SORCS2: variants seen among roughly 807,000 people sequenced by gnomAD.
The protein encoded by SORCS2 is VPS10 domain-containing receptor SorCS2.
In SORCS2, 100 loss-of-function variants were observed where a neutral mutation model predicts 141.6. The ratio of observed to expected loss-of-function variants is 0.71; its 90% CI spans 0.60 to 0.83. The LOEUF is 0.83. SORCS2 is among the 40% of genes least tolerant of loss of function. The pLI, the probability that SORCS2 is intolerant of heterozygous loss-of-function variation, is 0.00. For synonymous variants in SORCS2, 789 were observed against 676.9 expected (o/e 1.17, Z -2.57); for missense variants, 1,646 against 1,560.2 (o/e 1.05, Z -0.93).
chr4:7,211,258 C>T (rs984548418), intron 1 of SORCS2, among the ~76,000 whole-genome samples: 6 of 151,658 alleles, frequency 4.0e-5, no homozygotes, highest in African/African-American at 1.2e-4. Flanking sequence ...ATTGCCAGGG[C>T]GCAGACCAGA....
At chr4:7,209,853 G>C (rs1727961299) in intron 1 of SORCS2, among the ~76,000 whole-genome samples, 1 of 152,252 alleles carries the variant, frequency 6.6e-6, no homozygotes, top group Non-Finnish European at 1.5e-5. Context: ...TTGCCCCAGA[G>C]AGCATTTTGG....
intron 3 of SORCS2, among the ~76,000 whole-genome samples, chr4:7,600,146 T>C (rs1247465282): frequency 1.3e-5 from 2 of 152,140 alleles, no homozygotes; most frequent in Non-Finnish European, 2.9e-5. Flanking sequence ...TTCTAAAGGT[T>C]TAAAAGCATG....
chr4:7,219,541 TA>T, intron 1 of SORCS2, among the ~76,000 whole-genome samples: 1 of 152,266 alleles, frequency 6.6e-6, no homozygotes, highest in East Asian at 1.9e-4. Flanking sequence ...TCAGGAAACT[TA>T]CGATCATGGT....
At position 7,662,386 on chromosome 4, in the gene SORCS2, GCTC is replaced by G. The variant is rs1307020798; in HGVS notation, c.952+827_952+829del. Among the ~76,000 whole-genome samples the G allele has an allele frequency of 3.9e-5, 6 of 152,182 alleles. No homozygotes were observed. In the South Asian group the frequency reaches 6.2e-4, roughly 16 times the overall value. On this transcript the variant is annotated intron_variant, in intron 6 of 26. Coordinates refer to ENST00000507866, the MANE Select transcript of SORCS2 (RefSeq NM_020777.3). ...ACCTCTCACCACCCCTGCTGGGAAT[GCTC>G]CTCCCTTTCTGAATTTCTTACCTTT...
chr4:7,503,299 G>A (rs973097008), intron 2 of SORCS2, among the ~76,000 whole-genome samples: 4 of 152,212 alleles, frequency 2.6e-5, no homozygotes, highest in Admixed American at 6.5e-5. Flanking sequence ...AGAAAGTGGT[G>A]AGGCTGCCGA....
chr4:7,728,752 C>T (rs549973377), intron 22 of SORCS2, among the ~76,000 whole-genome samples: 1 of 152,262 alleles, frequency 6.6e-6, no homozygotes, highest in Admixed American at 6.5e-5. Context: ...GGAGACCCCA[C>T]TGTCGTCCTC....
At chr4:7,333,318 G>T (rs1466930856) in intron 1 of SORCS2, among the ~76,000 whole-genome samples, 4 of 152,210 alleles carry the variant, frequency 2.6e-5, no homozygotes, top group Non-Finnish European at 5.9e-5. Flanking sequence ...CTCACTTTCT[G>T]CCTAGCTGGC....
chr4:7,670,596 C>A (rs749565944), intron 8 of SORCS2, among the ~76,000 whole-genome samples: 1 of 152,124 alleles, frequency 6.6e-6, no homozygotes, highest in Non-Finnish European at 1.5e-5. Flanking sequence ...TAGAAGGCAA[C>A]GACACGGGCA....
chr4:7,655,202 T>TACACACACACACAC (rs144046004), intron 5 of SORCS2, among the ~76,000 whole-genome samples: 4,520 of 148,924 alleles, frequency 0.03, 64 homozygotes, highest in Middle Eastern at 0.035. Flanking sequence ...CTTGTGCGTG[T>TACACACACACACAC]ACACACACAC....
chr4:7,662,023 G>A lies in SORCS2; in HGVS notation c.952+459G>A, dbSNP rs563430005. Among the ~76,000 whole-genome samples the A allele has an allele frequency of 1.5e-4, 23 of 152,230 alleles. No homozygotes were observed. The East Asian group carries it at 4.3e-3, about 28-fold the overall frequency. On this transcript the variant is annotated intron_variant, in intron 6 of 26. Coordinates refer to ENST00000507866, the MANE Select transcript of SORCS2 (RefSeq NM_020777.3). ...TGCAGGATCACCTGAGCCAGGATGT[G>A]TCCCCATTAAAACAGAAATGCCGGC...
At chr4:7,593,473 C>A (rs17465228) in intron 3 of SORCS2, among the ~76,000 whole-genome samples, 41,633 of 152,080 alleles carry the variant, frequency 0.27, 6,778 homozygotes, top group East Asian at 0.66. Flanking sequence ...GTCCATCTAG[C>A]AAGGGCCATG....
intron 1 of SORCS2, among the ~76,000 whole-genome samples, chr4:7,262,404 AT>A (rs1714419185): frequency 6.6e-6 from 1 of 151,044 alleles, no homozygotes; most frequent in Non-Finnish European, 1.5e-5. Flanking sequence ...CCATCCATCC[AT>A]CCATCCATCC....
chr4:7,208,538 G>T (rs1180942799), intron 1 of SORCS2, among the ~76,000 whole-genome samples: 1 of 152,200 alleles, frequency 6.6e-6, no homozygotes, highest in Admixed American at 6.5e-5. Flanking sequence ...TGTACACCCC[G>T]GCAGCCGCAG....
intron 13 of SORCS2, among the ~76,000 whole-genome samples, 191 bp downstream of exon 13, chr4:7,703,562 T>C (rs1303044914): frequency 2.0e-5 from 3 of 152,140 alleles, no homozygotes; most frequent in Non-Finnish European, 4.4e-5. Context: ...GTCGTGGAGA[T>C]GGACTTCGTC....
chr4:7,381,329 A>G (rs530792334), intron 1 of SORCS2, among the ~76,000 whole-genome samples: 1 of 152,172 alleles, frequency 6.6e-6, no homozygotes, highest in Non-Finnish European at 1.5e-5. Context: ...CACACGGAGC[A>G]CAGAGCTGGA....
chr4:7,255,822 G>A (rs1189866061), intron 1 of SORCS2, among the ~76,000 whole-genome samples: 1 of 151,046 alleles, frequency 6.6e-6, no homozygotes, highest in Non-Finnish European at 1.5e-5. Context: ...CGGGGTTGGA[G>A]CGTGGGGACC....
At chr4:7,277,554 A>G (rs192121835) in intron 1 of SORCS2, among the ~76,000 whole-genome samples, 3 of 152,334 alleles carry the variant, frequency 2.0e-5, no homozygotes, top group African/African-American at 7.2e-5. Context: ...CTAAAGTTTC[A>G]TGACATGCCG....
chr4:7,699,803 TCTC>T (rs1461084977), intron 12 of SORCS2, among the ~76,000 whole-genome samples: 1 of 152,012 alleles, frequency 6.6e-6, no homozygotes, highest in Non-Finnish European at 1.5e-5. Flanking sequence ...GAGACTCGCT[TCTC>T]CTCAGATGTT....
At chr4:7,369,173 T>C (rs1484627859) in intron 1 of SORCS2, among the ~76,000 whole-genome samples, 2 of 152,088 alleles carry the variant, frequency 1.3e-5, no homozygotes, top group Admixed American at 6.6e-5. Flanking sequence ...TAGCTGGAAG[T>C]GGTGGCGTGC....
Sources: gnomAD v4.1 joint callset for allele counts (sites outside exome capture counted in the v4.1 genomes callset) on GRCh38, gnomAD v4.1.1 for gene constraint, MANE v1.5 for transcripts, NCBI Gene and HGNC (gene_info 2026-07-23, HGNC 2026-07-21) for gene names.